Variants in MALRD1 observed in about 807,000 individuals in gnomAD.
MALRD1 encodes the protein MAM and LDL receptor class A domain containing 1.
A neutral mutation model predicts 242.1 loss-of-function variants in MALRD1; 247 were observed. The ratio of observed to expected loss-of-function variants is 1.02; its 90% CI spans 0.92 to 1.13. The LOEUF is 1.13. Among genes scored for constraint, MALRD1 ranks in the 50% most tolerant of loss-of-function variants. The pLI is 0.00. For synonymous variants in MALRD1, 995 were observed against 866.6 expected, an observed-to-expected ratio of 1.15 and a Z score of -2.60; for missense variants, 2,989 against 2,533.1, an observed-to-expected ratio of 1.18 and a Z score of -3.86.
In MALRD1 at chr10:19,161,019, G is replaced by C. The variant is rs573414630; in HGVS notation, c.1657-4618G>C. 1.3e-4 allele frequency among the ~76,000 whole-genome samples: 19 copies of C among 151,648 alleles called. 1 individual carries two copies. The South Asian group carries it at 2.1e-3, about 17-fold the overall frequency. ...CATTACTGGGTATATACCCAAATGA[G>C]TATAAATCATGCTGCTATAAAGACA... On this transcript the variant is annotated intron_variant, in intron 12 of 39. Coordinates refer to ENST00000454679, the MANE Select transcript of MALRD1 (RefSeq NM_001142308.3).
chr10:19,681,866 T>A (rs1842386573), intron 36 of MALRD1, among the ~76,000 whole-genome samples: 1 of 150,576 alleles, frequency 6.6e-6, no homozygotes. Context: ...CACTTTTTTT[T>A]TTTTTTTTTT....
intron 14 of MALRD1, among the ~76,000 whole-genome samples, chr10:19,201,010 T>C (rs977359903): frequency 1.3e-5 from 2 of 152,158 alleles, no homozygotes; most frequent in Non-Finnish European, 2.9e-5. Context: ...AAATGCTAAT[T>C]GCAATTATTA....
chr10:19,430,111 C>CTT lies in MALRD1; in HGVS notation c.4846-20176_4846-20175dup, dbSNP rs1156254998. ...CTTTGCTTGGAATTTCTCCATTTTC[C>CTT]TTTTTTTTTTTTTTTTTTTTTGAGA... On this transcript the variant is annotated intron_variant, in intron 28 of 39. Coordinates refer to ENST00000454679, the MANE Select transcript of MALRD1 (RefSeq NM_001142308.3). 3.2e-3 allele frequency among the ~76,000 whole-genome samples: 267 copies of CTT among 83,484 alleles called. 23 individuals are homozygous for CTT. The highest frequency in any genetic ancestry group is 0.012 in the African/African-American group (253 of 20,404). The allele number at this position is 83,484 out of a possible 152,430, so 54.8% of individuals were successfully genotyped here.
intron 32 of MALRD1, among the ~76,000 whole-genome samples, chr10:19,534,864 T>A (rs1393514304): frequency 6.2e-5 from 7 of 112,712 alleles, no homozygotes; most frequent in African/African-American, 2.4e-4. Context: ...ATTTTATTTA[T>A]AAAGTTTTTG....
intron 29 of MALRD1, among the ~76,000 whole-genome samples, chr10:19,473,275 G>A (rs1836584128): frequency 1.3e-5 from 2 of 151,414 alleles, no homozygotes; most frequent in South Asian, 2.1e-4. Flanking sequence ...CAGACAACAA[G>A]CAAATAAATA....
At position 19,066,817 on chromosome 10, in the gene MALRD1, G is replaced by T. The variant is rs778922200; in HGVS notation, c.298G>T (p.Gly100Cys). The change falls in exon 2 of 40, where the codon GGT becomes TGT. Residue 100 changes from glycine to cysteine, a missense_variant. Transcript: ENST00000454679. ...PSWTKRSGMI[G>C]LSPPFYDHNG... ...TTGGACAAAGAGAAGTGGGATGATT[G>T]GTCTATCACCTCCATTTTATGATCA... The T allele has an allele frequency of 1.6e-6, 2 of 1,233,638 alleles. No homozygotes were observed. The highest frequency in any genetic ancestry group is 8.4e-5 in the Admixed American group (2 of 23,714). 76.4% of individuals were successfully genotyped at this position (1,233,638 alleles called of 1,614,324 possible).
At chr10:19,461,032 G>C (rs1454796392) in intron 29 of MALRD1, among the ~76,000 whole-genome samples, 1 of 152,126 alleles carries the variant, frequency 6.6e-6, no homozygotes. Flanking sequence ...TTCCTCCACT[G>C]ATCCGTTGCA....
At chr10:19,498,226 A>G (rs538847615) in intron 30 of MALRD1, among the ~76,000 whole-genome samples, 1 of 152,372 alleles carries the variant, frequency 6.6e-6, no homozygotes, top group South Asian at 2.1e-4. Context: ...GTTCATGTGT[A>G]GACACAGTTT....
At chr10:19,531,467 T>A in intron 32 of MALRD1, 116 bp downstream of exon 32, 1 of 974,414 alleles carries the variant, frequency 1.0e-6, no homozygotes, top group Non-Finnish European at 1.4e-6. Flanking sequence ...CTGATGCCAT[T>A]AATTTCTCAT....
At chr10:19,722,286 T>A (rs1052022435) in intron 38 of MALRD1, 1 of 152,116 alleles carries the variant, frequency 6.6e-6, no homozygotes, top group African/African-American at 2.4e-5. Flanking sequence ...TAAATTAATC[T>A]ATTTTTTTAA....
intron 14 of MALRD1, among the ~76,000 whole-genome samples, chr10:19,199,417 A>G (rs914169099): frequency 1.2e-4 from 18 of 152,202 alleles, no homozygotes; most frequent in Non-Finnish European, 2.2e-4. Flanking sequence ...AGCCTTTGCC[A>G]TCAGGTTTGG....
intron 18 of MALRD1, among the ~76,000 whole-genome samples, chr10:19,216,908 T>C (rs1837340426): frequency 6.7e-6 from 1 of 148,972 alleles, no homozygotes; most frequent in Admixed American, 6.8e-5. Context: ...ATCACGCCAC[T>C]GCACTCCAGC....
intron 32 of MALRD1, among the ~76,000 whole-genome samples, chr10:19,563,417 T>A (rs986712108): frequency 6.6e-6 from 1 of 152,208 alleles, no homozygotes; most frequent in African/African-American, 2.4e-5. Context: ...TTCTAATGAT[T>A]AAGCAGTAAC....
chr10:19,729,176 T>C (rs1248437785), intron 38 of MALRD1, among the ~76,000 whole-genome samples: 1 of 152,212 alleles, frequency 6.6e-6, no homozygotes, highest in African/African-American at 2.4e-5. Flanking sequence ...CAAACATAAT[T>C]AGCTAGATTA....
At chr10:19,162,666 A>T (rs1417098910) in intron 12 of MALRD1, among the ~76,000 whole-genome samples, 1 of 152,146 alleles carries the variant, frequency 6.6e-6, no homozygotes, top group Non-Finnish European at 1.5e-5. Flanking sequence ...AAAAAATAAC[A>T]TGCCGGCAAG....
intron 4 of MALRD1, among the ~76,000 whole-genome samples, chr10:19,099,148 T>A (rs1045290706): frequency 5.3e-5 from 8 of 152,180 alleles, no homozygotes; most frequent in Non-Finnish European, 1.0e-4. Context: ...TAGCCTTTTT[T>A]TATTGGCACA....
intron 31 of MALRD1, among the ~76,000 whole-genome samples, chr10:19,509,562 T>C (rs564717161): frequency 2.0e-5 from 3 of 152,268 alleles, no homozygotes; most frequent in African/African-American, 4.8e-5. Context: ...ACCTTGGGCA[T>C]TGATGCTAAG....
chr10:19,376,225 G>A (rs73593892), intron 26 of MALRD1, among the ~76,000 whole-genome samples: 6,181 of 152,236 alleles, frequency 0.041, 211 homozygotes, highest in African/African-American at 0.091. Flanking sequence ...TGCCCTCAGC[G>A]TCTTCAAATT....
At chr10:19,548,542 A>G (rs540497013) in intron 32 of MALRD1, among the ~76,000 whole-genome samples, 20 of 152,302 alleles carry the variant, frequency 1.3e-4, no homozygotes, top group African/African-American at 4.6e-4. Flanking sequence ...TCTATGACTT[A>G]TTAAAATTGT....
Sources: allele counts gnomAD v4.1 joint callset (sites outside exome capture counted in the v4.1 genomes callset), GRCh38; gene constraint gnomAD v4.1.1; transcripts MANE v1.5; gene names NCBI Gene and HGNC (gene_info 2026-07-23, HGNC 2026-07-21).